GCC2: variants seen among roughly 807,000 people sequenced by gnomAD.
GCC2 encodes the protein GRIP and coiled-coil domain containing 2.
GCC2 carries 120 observed loss-of-function variants against 210.6 expected under a neutral mutation model. That is an observed-to-expected ratio of 0.57 (90% CI 0.49 to 0.66). The LOEUF is 0.66. Ranked by LOEUF, GCC2 falls within the 30% of genes least tolerant of loss-of-function variation. GCC2 has a pLI of 0.00. For missense variants in GCC2, 1,868 were observed against 1,871.9 expected (o/e 1.00, Z 0.04); for synonymous variants, 703 against 652.7 (o/e 1.08, Z -1.17).
At chr2:108,495,162 C>G (rs1385259214) in intron 19 of GCC2, 129 bp from the exon 20 acceptor site, 1 of 557,060 alleles carries the variant, frequency 1.8e-6, no homozygotes, top group East Asian at 3.0e-5. Context: ...ACACCTTTCA[C>G]TTATCTTATA....
intron 4 of GCC2, among the ~76,000 whole-genome samples, chr2:108,459,745 CTTTTTTTTTTTTTTTTTT>C (rs34052393): frequency 5.6e-4 from 15 of 26,784 alleles, no homozygotes; most frequent in East Asian, 3.3e-3. Flanking sequence ...CCTTCTTTGT[CTTTTTTTTTTTTTTTTTT>C]TTTTTTTTTT....
In GCC2 at chr2:108,475,732, T is replaced by C. The variant is rs377229700; in HGVS notation, c.2962-20T>C. On this transcript the variant is annotated intron_variant, in intron 8 of 22. Transcript: ENST00000309863. ...AAAAAAAAACAAAAACCTCTTTAAT[T>C]TTACTTGTGTTTAAAACAGACCCAG... The C allele has an allele frequency of 8.9e-4, 1,382 of 1,549,806 alleles. 3 individuals carry two copies. Among genetic ancestry groups the C allele is most frequent in the South Asian group, 1.9e-3 (158 of 84,852 alleles).
chr2:108,451,968 C>T (rs200213819), intron 3 of GCC2, among the ~76,000 whole-genome samples: 28 of 151,758 alleles, frequency 1.8e-4, no homozygotes, highest in Non-Finnish European at 4.4e-5. Context: ...CTCAGCCTCC[C>T]GAGTAACTGG....
intron 4 of GCC2, among the ~76,000 whole-genome samples, chr2:108,457,512 GTT>G (rs1442270227): frequency 6.6e-6 from 1 of 151,376 alleles, no homozygotes; most frequent in Non-Finnish European, 1.5e-5. Flanking sequence ...TCTTTTTTCT[GTT>G]TCTTTGAAAA....
intron 4 of GCC2, 25 bp downstream of exon 4, chr2:108,452,491 T>G: frequency 7.6e-7 from 1 of 1,310,562 alleles, no homozygotes; most frequent in Non-Finnish European, 1.1e-6. Context: ...GGGAAATGTC[T>G]AAAGAGAAAT....
chr2:108,451,748 G>T (rs1213294486), intron 3 of GCC2, among the ~76,000 whole-genome samples: 1 of 151,802 alleles, frequency 6.6e-6, no homozygotes, highest in African/African-American at 2.4e-5. Flanking sequence ...TTGCAATGAA[G>T]AGAATAATTT....
intron 12 of GCC2, among the ~76,000 whole-genome samples, chr2:108,483,556 A>G (rs1681982300): frequency 6.6e-6 from 1 of 152,180 alleles, no homozygotes; most frequent in Non-Finnish European, 1.5e-5. Flanking sequence ...ACATGTTGAA[A>G]AGGAATATTT....
chr2:108,484,680 C>G (rs1434808603), intron 13 of GCC2: 1 of 152,740 alleles, frequency 6.5e-6, no homozygotes, highest in Non-Finnish European at 1.5e-5. Flanking sequence ...AATAGGGAAT[C>G]CTTTCCCCAT....
rs1244098121 is a variant in GCC2, at chr2:108,508,661, A to G, written c.*1031A>G. The stretch of plus-strand genomic sequence containing the variant: ...TGTTTTTGGCAGATAGTGTTCCATA[A>G]GCTTTCCATCAGAAGGGATTTTAGA... On this transcript the variant is annotated 3_prime_UTR_variant, in exon 23 of 23. Transcript: ENST00000309863. 1 of 152,342 alleles carries G rather than the reference A, an allele frequency of 6.6e-6. No homozygotes were observed. The highest frequency in any genetic ancestry group is 1.5e-5 in the Non-Finnish European group (1 of 67,982). The allele number at this position is 152,342 out of a possible 1,614,324, so 9.4% of individuals were successfully genotyped here.
In GCC2 at chr2:108,495,282, A is replaced by G. The variant is rs1682594393; in HGVS notation, c.4448-9A>G. The G allele has an allele frequency of 1.1e-5, 17 of 1,568,842 alleles. No individual in the cohort carries two copies. The highest frequency in any genetic ancestry group is 1.2e-5 in the Non-Finnish European group (14 of 1,160,730). On this transcript the variant is annotated splice_polypyrimidine_tract_variant and intron_variant, in intron 19 of 22. Transcript: ENST00000309863. ...ATCTCACACTTAACCTTTTAAAAAA[A>G]TCTAATAGGCCCAGTTTCCTCTCAA...
chr2:108,496,659 G>A, intron 20 of GCC2: 1 of 389,520 alleles, frequency 2.6e-6, no homozygotes, highest in East Asian at 5.8e-5. Flanking sequence ...TAAAATCTTG[G>A]AATATTAATA....
At chr2:108,482,085 CTGG>C (rs1681889336) in intron 10 of GCC2, among the ~76,000 whole-genome samples, 199 bp from the exon 11 acceptor site, 1 of 152,134 alleles carries the variant, frequency 6.6e-6, no homozygotes, top group African/African-American at 2.4e-5. Context: ...GCCAGTGCAC[CTGG>C]TCTCTTGTAA....
chr2:108,466,495 CAG>C (rs1481856488), intron 4 of GCC2, among the ~76,000 whole-genome samples: 1 of 150,078 alleles, frequency 6.7e-6, no homozygotes, highest in African/African-American at 2.5e-5. Context: ...TTTTTTGAGA[CAG>C]AGTCTCGCTC....
chr2:108,480,202 A>T lies in GCC2; in HGVS notation c.3061-1495A>T, dbSNP rs980169093. Among the ~76,000 whole-genome samples, 29 of 152,188 alleles carry T rather than the reference A, an allele frequency of 1.9e-4. 1 individual carries two copies. Among genetic ancestry groups the T allele is most frequent in the African/African-American group, 7.0e-4 (29 of 41,446 alleles). On this transcript the variant is annotated intron_variant, in intron 9 of 22. Transcript: ENST00000309863. The stretch of plus-strand genomic sequence containing the variant: ...AACAGTGTGCTAGCAATAAAACCAT[A>T]ATTAGATACCACCTCACATCAGTCA...
chr2:108,456,947 A>G (rs568459093), intron 4 of GCC2, among the ~76,000 whole-genome samples: 3 of 93,628 alleles, frequency 3.2e-5, no homozygotes, highest in South Asian at 3.5e-4. Context: ...GAGCCCTTAC[A>G]TAAAAAAAAA....
chr2:108,484,073 TTTTACAAATGAAAAAAAAAA>T (rs1682006310), intron 12 of GCC2, 56 bp from the exon 13 acceptor site: 2 of 895,670 alleles, frequency 2.2e-6, no homozygotes, highest in Non-Finnish European at 3.3e-6. Flanking sequence ...ATTTTAGCAA[TTTTACAAATGAAAAAAAAAA>T]TTTACAAATG....
chr2:108,475,662 T>A (rs1256110012), intron 8 of GCC2, 27 bp downstream of exon 8: 9 of 1,469,280 alleles, frequency 6.1e-6, no homozygotes, highest in Non-Finnish European at 8.4e-6. Context: ...AATGTAAGAT[T>A]CCGGAATCTC....
rs72946902 is a variant in GCC2, at chr2:108,487,166, A to G, written c.3930+518A>G. Among the ~76,000 whole-genome samples the G allele has an allele frequency of 2.2e-3, 337 of 152,346 alleles. 2 individuals are homozygous for G. The highest frequency in any genetic ancestry group is 7.6e-3 in the African/African-American group (317 of 41,572). On this transcript the variant is annotated intron_variant, in intron 16 of 22. Transcript: ENST00000309863. ...ACCCTGTTTTGAAAACTGAAGTTCA[A>G]ATAACTTAATTTCTGAGTTAATTTT...
intron 21 of GCC2, among the ~76,000 whole-genome samples, chr2:108,497,995 G>C (rs1170388220): frequency 6.6e-6 from 1 of 151,924 alleles, no homozygotes; most frequent in Non-Finnish European, 1.5e-5. Flanking sequence ...AGCTATCCTT[G>C]TCAGATTATT....
Sources: gnomAD v4.1 joint callset for allele counts (sites outside exome capture counted in the v4.1 genomes callset) on GRCh38, gnomAD v4.1.1 for gene constraint, MANE v1.5 for transcripts, NCBI Gene and HGNC (gene_info 2026-07-23, HGNC 2026-07-21) for gene names.